TTC28: variants seen among roughly 807,000 people sequenced by gnomAD.
TTC28 encodes tetratricopeptide repeat protein 28.
Under a neutral mutation model 198.0 loss-of-function variants are expected in TTC28, and 61 were observed. The observed-to-expected ratio is 0.31, with a 90% CI of 0.25 to 0.38. The LOEUF (loss-of-function observed/expected upper bound fraction) is 0.38, where lower values mean the gene tolerates loss of function less well. Ranked by LOEUF, TTC28 falls within the 10% of genes least tolerant of loss-of-function variation. TTC28 has a pLI of 1.00. For synonymous variants in TTC28, 1,171 were observed against 1,297.8 expected (o/e 0.90, Z 2.10); for missense variants, 2,678 against 3,164.0 (o/e 0.85, Z 3.69).
At chr22:28,650,545 G>A (rs2051548487) in intron 1 of TTC28, among the ~76,000 whole-genome samples, 2 of 152,098 alleles carry the variant, frequency 1.3e-5, no homozygotes, top group Non-Finnish European at 2.9e-5. Context: ...AAATAAATAT[G>A]ATCAAAAGAA....
chr22:28,460,672 CAGACAGAT>C (rs1174225284), intron 2 of TTC28, among the ~76,000 whole-genome samples: 2 of 149,762 alleles, frequency 1.3e-5, no homozygotes, highest in East Asian at 2.0e-4. Context: ...GATAGACAGA[CAGACAGAT>C]AGATAGGCAG....
intron 5 of TTC28, among the ~76,000 whole-genome samples, chr22:28,194,344 T>C (rs1161762779): frequency 2.0e-5 from 3 of 152,070 alleles, no homozygotes; most frequent in Non-Finnish European, 4.4e-5. Flanking sequence ...AGTTCTAAAA[T>C]TGACACCTGA....
chr22:28,648,608 A>T (rs1374494361), intron 1 of TTC28, among the ~76,000 whole-genome samples: 1 of 152,214 alleles, frequency 6.6e-6, no homozygotes, highest in Non-Finnish European at 1.5e-5. Flanking sequence ...CCCACTGATG[A>T]GGGAAAAAAG....
At chr22:28,030,120 G>A (rs569207642) in intron 13 of TTC28, 106 bp downstream of exon 13, 59 of 1,449,726 alleles carry the variant, frequency 4.1e-5, no homozygotes, top group Non-Finnish European at 5.2e-5. Context: ...TGCATGACAC[G>A]AGCCAGAAGC....
chr22:28,508,698 C>T (rs1264060556), intron 2 of TTC28, among the ~76,000 whole-genome samples: 1 of 152,148 alleles, frequency 6.6e-6, no homozygotes, highest in Non-Finnish European at 1.5e-5. Flanking sequence ...TACATATGCA[C>T]CAATACAGGA....
intron 17 of TTC28, among the ~76,000 whole-genome samples, chr22:27,994,997 G>C (rs554901532): frequency 9.8e-5 from 15 of 152,292 alleles, no homozygotes; most frequent in African/African-American, 3.6e-4. Context: ...CTGGGGGCTT[G>C]CTGGTCACAG....
chr22:28,022,839 T>G (rs1361089081), intron 13 of TTC28, among the ~76,000 whole-genome samples: 4 of 152,210 alleles, frequency 2.6e-5, no homozygotes, highest in Admixed American at 2.6e-4. Flanking sequence ...AACAGGATTC[T>G]GAAACCATTC....
intron 2 of TTC28, among the ~76,000 whole-genome samples, chr22:28,576,835 T>C (rs1320144239): frequency 2.6e-5 from 4 of 152,112 alleles, no homozygotes; most frequent in Non-Finnish European, 5.9e-5. Flanking sequence ...ATGTCTCCTT[T>C]TTCATCTCTG....
chr22:28,210,096 T>A (rs1030814460), intron 5 of TTC28, among the ~76,000 whole-genome samples: 2 of 152,060 alleles, frequency 1.3e-5, no homozygotes, highest in African/African-American at 4.8e-5. Flanking sequence ...GAAGGCAAAC[T>A]AACAAACAGA....
chr22:28,153,412 A>C (rs1340549841), intron 6 of TTC28, among the ~76,000 whole-genome samples: 5 of 150,796 alleles, frequency 3.3e-5, no homozygotes, highest in Admixed American at 6.6e-5. Flanking sequence ...AAAAAAAAAA[A>C]AAAAAACCTT....
At chr22:28,594,552 T>A (rs1347144350) in intron 2 of TTC28, among the ~76,000 whole-genome samples, 3 of 152,090 alleles carry the variant, frequency 2.0e-5, no homozygotes, top group Non-Finnish European at 1.5e-5. Flanking sequence ...TAATTCATTT[T>A]AAAGTAACAT....
intron 12 of TTC28, among the ~76,000 whole-genome samples, chr22:28,084,258 C>G (rs1941475357): frequency 6.6e-6 from 1 of 152,230 alleles, no homozygotes; most frequent in South Asian, 2.1e-4. Flanking sequence ...GGGAAGCACA[C>G]CCCAGTAGCG....
At chr22:28,078,582 A>G (rs1941239724) in intron 12 of TTC28, among the ~76,000 whole-genome samples, 1 of 152,148 alleles carries the variant, frequency 6.6e-6, no homozygotes, top group Non-Finnish European at 1.5e-5. Context: ...TTGGACCAAC[A>G]AGGATGGGAA....
At chr22:28,011,607 T>G (rs767247160) in intron 14 of TTC28, among the ~76,000 whole-genome samples, 3 of 152,080 alleles carry the variant, frequency 2.0e-5, no homozygotes, top group African/African-American at 7.2e-5. Context: ...AAAATATATA[T>G]GTATTTTTTC....
intron 21 of TTC28, chr22:27,985,943 C>T (rs1937198644): frequency 6.5e-6 from 1 of 154,412 alleles, no homozygotes; most frequent in Non-Finnish European, 1.5e-5. Context: ...TAATGAGACT[C>T]AGAGCAGGTG....
intron 5 of TTC28, among the ~76,000 whole-genome samples, chr22:28,285,214 T>C (rs1299731682): frequency 1.3e-5 from 2 of 152,156 alleles, no homozygotes; most frequent in African/African-American, 2.4e-5. Flanking sequence ...TATTCAGCCA[T>C]AAAAGGAAAT....
At chr22:28,333,303 G>C (rs2045645995) in intron 2 of TTC28, among the ~76,000 whole-genome samples, 2 of 152,054 alleles carry the variant, frequency 1.3e-5, no homozygotes, top group Non-Finnish European at 2.9e-5. Context: ...TCTTCCTGCT[G>C]TATCACTCCT....
chr22:28,619,423 C>T (rs1442494065), intron 2 of TTC28, among the ~76,000 whole-genome samples: 1 of 152,198 alleles, frequency 6.6e-6, no homozygotes, highest in Non-Finnish European at 1.5e-5. Flanking sequence ...GCAGACTTCA[C>T]TTCACATGCG....
intron 2 of TTC28, among the ~76,000 whole-genome samples, chr22:28,417,909 G>A (rs1372821957): frequency 6.6e-6 from 1 of 152,168 alleles, no homozygotes; most frequent in East Asian, 1.9e-4. Flanking sequence ...GCTCTGAACA[G>A]TACACTACTC....
Sources: allele counts gnomAD v4.1 joint callset (sites outside exome capture counted in the v4.1 genomes callset), GRCh38; gene constraint gnomAD v4.1.1; transcripts MANE v1.5; gene names NCBI Gene and HGNC (gene_info 2026-07-23, HGNC 2026-07-21).